CSMD1: variants seen among roughly 807,000 people sequenced by gnomAD.
The protein encoded by CSMD1 is CUB and sushi domain-containing protein 1.
A neutral mutation model predicts 417.5 loss-of-function variants in CSMD1; 213 were observed. The ratio of observed to expected loss-of-function variants is 0.51; its 90% CI spans 0.46 to 0.57. The LOEUF (loss-of-function observed/expected upper bound fraction) is 0.57, where lower values mean the gene tolerates loss of function less well. CSMD1 is among the 20% of genes least tolerant of loss of function. The pLI is 0.00. For synonymous variants in CSMD1, 2,862 were observed against 1,736.8 expected, an observed-to-expected ratio of 1.65 and a Z score of -16.11; for missense variants, 6,923 against 4,529.7, an observed-to-expected ratio of 1.53 and a Z score of -15.17.
intron 2 of CSMD1, among the ~76,000 whole-genome samples, chr8:4,449,635 C>T (rs565282224): frequency 6.6e-6 from 1 of 152,224 alleles, no homozygotes; most frequent in South Asian, 2.1e-4. Flanking sequence ...CATCTTGGAG[C>T]AATCCACATA....
Position 3,814,221 on chromosome 8 carries a change from C to T in CSMD1, c.819-60179G>A, listed in dbSNP as rs186683670. Among the ~76,000 whole-genome samples the T allele has an allele frequency of 3.5e-4, 54 of 152,250 alleles. 1 individual carries two copies. The highest frequency in any genetic ancestry group is 3.1e-3 in the East Asian group (16 of 5,168). On this transcript the variant is annotated intron_variant, in intron 5 of 69. Transcript: ENST00000635120. ...CAACATGTTTCCCAGCTCATCAGCT[C>T]GTCTGCATTCTGAATAGAAATGCGA...
At chr8:3,850,882 T>A (rs1803858760) in intron 5 of CSMD1, among the ~76,000 whole-genome samples, 1 of 152,168 alleles carries the variant, frequency 6.6e-6, no homozygotes, top group Non-Finnish European at 1.5e-5. Flanking sequence ...TATTTCAGCA[T>A]TATTATCACA....
intron 1 of CSMD1, among the ~76,000 whole-genome samples, chr8:4,739,094 G>C (rs535793723): frequency 2.5e-4 from 38 of 151,896 alleles, no homozygotes; most frequent in Admixed American, 6.6e-4. Flanking sequence ...ACATACATGT[G>C]AACATACACA....
chr8:4,722,012 G>A (rs549049395), intron 1 of CSMD1, among the ~76,000 whole-genome samples: 1 of 152,250 alleles, frequency 6.6e-6, no homozygotes, highest in African/African-American at 2.4e-5. Context: ...ATTGGAGTGG[G>A]CTGGCATCGA....
chr8:3,410,605 G>T (rs953004237), intron 12 of CSMD1, among the ~76,000 whole-genome samples: 2 of 152,176 alleles, frequency 1.3e-5, no homozygotes, highest in Non-Finnish European at 2.9e-5. Flanking sequence ...TGATTGTGAG[G>T]CCTCTCCAGC....
chr8:3,758,873 A>G (rs1342467301), intron 5 of CSMD1, among the ~76,000 whole-genome samples: 3 of 152,150 alleles, frequency 2.0e-5, no homozygotes, highest in Admixed American at 6.5e-5. Context: ...AATGTAATGA[A>G]AAAGATCCTT....
chr8:3,930,555 G>A (rs951266097), intron 5 of CSMD1, among the ~76,000 whole-genome samples: 5 of 150,104 alleles, frequency 3.3e-5, no homozygotes, highest in East Asian at 2.0e-4. Flanking sequence ...CTAGCCAATC[G>A]GGACAAATAC....
intron 2 of CSMD1, among the ~76,000 whole-genome samples, chr8:4,535,205 A>G (rs942642933): frequency 6.6e-6 from 1 of 152,232 alleles, no homozygotes; most frequent in Admixed American, 6.5e-5. Flanking sequence ...TGCTTGAAAT[A>G]TCAATAACAT....
chr8:4,153,790 T>C (rs1346134475), intron 3 of CSMD1, among the ~76,000 whole-genome samples: 1 of 152,204 alleles, frequency 6.6e-6, no homozygotes, highest in Non-Finnish European at 1.5e-5. Context: ...GGAAACACAG[T>C]TTTTATGTAT....
rs980777980 is a variant in CSMD1, at chr8:3,710,049, C to T, written c.932-1558G>A. On this transcript the variant is annotated intron_variant, in intron 6 of 69. Coordinates refer to ENST00000635120, the MANE Select transcript of CSMD1 (RefSeq NM_033225.6). ...AGCCCACTCTTGACCAGATGCCTTACCAATAACATAAACAGTTACTTAACA... is the reference window on the plus strand; with the variant it reads ...AGCCCACTCTTGACCAGATGCCTTATCAATAACATAAACAGTTACTTAACA... 7.9e-5 allele frequency among the ~76,000 whole-genome samples: 12 copies of T among 152,148 alleles called. No homozygotes were observed. In the South Asian group the frequency reaches 2.5e-3, roughly 32 times the overall value.
intron 1 of CSMD1, among the ~76,000 whole-genome samples, chr8:4,741,735 G>T: frequency 6.6e-6 from 1 of 152,116 alleles, no homozygotes; most frequent in East Asian, 1.9e-4. Flanking sequence ...ATAGTAGCTT[G>T]TTAGAAGTGG....
intron 1 of CSMD1, among the ~76,000 whole-genome samples, chr8:4,687,988 A>T (rs1281284428): frequency 1.3e-5 from 2 of 151,954 alleles, no homozygotes; most frequent in Non-Finnish European, 2.9e-5. Context: ...CTGCTTCTTG[A>T]TTCTATCTGG....
chr8:3,813,520 A>G (rs1801201722), intron 5 of CSMD1, among the ~76,000 whole-genome samples: 1 of 152,218 alleles, frequency 6.6e-6, no homozygotes. Context: ...GTGAATATGA[A>G]GACTGATCCA....
At chr8:4,284,973 G>A (rs144129381) in intron 3 of CSMD1, among the ~76,000 whole-genome samples, 21 of 152,210 alleles carry the variant, frequency 1.4e-4, no homozygotes, top group African/African-American at 2.4e-4. Context: ...ACCTCACCTC[G>A]CCTCACCATG....
In CSMD1 at chr8:4,229,817, G is replaced by A. The variant is rs58931253; in HGVS notation, c.415+190136C>T. ...CTCCTTCCTTTTTTCCCTCACAAAC[G>A]TATGAATCCCAAGAGGGCCGGGATT... is the stretch of plus-strand genomic sequence containing the variant. On this transcript the variant is annotated intron_variant, in intron 3 of 69. Coordinates refer to ENST00000635120, the MANE Select transcript of CSMD1 (RefSeq NM_033225.6). Among the ~76,000 whole-genome samples the A allele has an allele frequency of 5.5e-3, 829 of 152,042 alleles. 16 individuals carry two copies. Among genetic ancestry groups the A allele is most frequent in the East Asian group, 0.036 (184 of 5,158 alleles).
intron 2 of CSMD1, among the ~76,000 whole-genome samples, chr8:4,431,589 A>AC (rs891830846): frequency 5.3e-5 from 8 of 152,156 alleles, no homozygotes; most frequent in African/African-American, 1.9e-4. Flanking sequence ...CTCTGAGGCT[A>AC]CCTCTTTGTG....
intron 1 of CSMD1, among the ~76,000 whole-genome samples, chr8:4,675,821 G>T (rs58468768): frequency 0.018 from 2,731 of 152,146 alleles, 76 homozygotes; most frequent in African/African-American, 0.061. Flanking sequence ...AAAGCCAAAG[G>T]TACTCTAATC....
At chr8:4,011,472 C>T (rs1189551637) in intron 4 of CSMD1, among the ~76,000 whole-genome samples, 1 of 152,118 alleles carries the variant, frequency 6.6e-6, no homozygotes, top group Non-Finnish European at 1.5e-5. Flanking sequence ...GGTCTTTAAC[C>T]TTGTTACATC....
chr8:3,142,034 T>G (rs976468793), intron 41 of CSMD1, among the ~76,000 whole-genome samples: 1 of 152,098 alleles, frequency 6.6e-6, no homozygotes, highest in African/African-American at 2.4e-5. Context: ...CCTGACCTCG[T>G]GATCCGCCCG....
Sources: allele counts gnomAD v4.1 joint callset (sites outside exome capture counted in the v4.1 genomes callset), GRCh38; gene constraint gnomAD v4.1.1; transcripts MANE v1.5; gene names NCBI Gene and HGNC (gene_info 2026-07-23, HGNC 2026-07-21).